Variants in KIRREL3 observed in about 807,000 individuals in gnomAD.
The protein encoded by KIRREL3 is kin of IRRE-like protein 3.
In KIRREL3, 36 loss-of-function variants were observed where a neutral mutation model predicts 89.7. The ratio of observed to expected loss-of-function variants is 0.40; its 90% confidence interval spans 0.31 to 0.53. The LOEUF is 0.53. Among genes scored for constraint, KIRREL3 ranks in the 20% least tolerant of loss-of-function variants. The probability of loss-of-function intolerance (pLI) is 0.49; values close to 1 mark genes in which losing one functional copy is unlikely to be tolerated. For synonymous variants in KIRREL3, 445 were observed against 441.4 expected (o/e 1.01, Z -0.10); for missense variants, 864 against 1,056.6 (o/e 0.82, Z 2.53).
chr11:127,001,638 T>C (rs1950316964), upstream of KIRREL3, among the ~76,000 whole-genome samples: 1 of 152,108 alleles, frequency 6.6e-6, no homozygotes, highest in Admixed American at 6.6e-5. Context: ...TTACCTGTCA[T>C]GAAATTCACA....
chr11:126,507,178 G>A (rs1233699421), intron 4 of KIRREL3, among the ~76,000 whole-genome samples: 3 of 152,154 alleles, frequency 2.0e-5, no homozygotes, highest in Non-Finnish European at 4.4e-5. Flanking sequence ...AATCCAAGAA[G>A]CACTGCATTG....
chr11:126,937,188 C>T (rs1467319960), intron 1 of KIRREL3: 2 of 152,174 alleles, frequency 1.3e-5, no homozygotes, highest in Non-Finnish European at 2.9e-5. Context: ...CCAGCTTAGC[C>T]AGAAAGAGGA....
At chr11:126,693,428 A>G (rs749804375) in intron 1 of KIRREL3, among the ~76,000 whole-genome samples, 1 of 152,088 alleles carries the variant, frequency 6.6e-6, no homozygotes, top group Non-Finnish European at 1.5e-5. Flanking sequence ...CTCAAACACA[A>G]ACAAACAAAC....
intron 1 of KIRREL3, among the ~76,000 whole-genome samples, chr11:126,916,793 T>C (rs565390280): frequency 7.9e-5 from 12 of 152,290 alleles, no homozygotes; most frequent in African/African-American, 2.9e-4. Flanking sequence ...AGTTACATGG[T>C]CCAAACTTCT....
chr11:126,810,208 G>T (rs1271962177), intron 1 of KIRREL3, among the ~76,000 whole-genome samples: 5 of 152,156 alleles, frequency 3.3e-5, no homozygotes, highest in Non-Finnish European at 7.4e-5. Context: ...TCATTTGAAA[G>T]TTGTTGCTCT....
chr11:126,684,024 T>C lies in KIRREL3; in HGVS notation c.56-121112A>G, dbSNP rs1324144652. The stretch of plus-strand genomic sequence containing the variant: ...GGGTTTTTGGGCAGCTCCGCCTTCA[T>C]ACCGAAGGCAGCTTAGCATGGCACT... On this transcript the variant is annotated intron_variant, in intron 1 of 16. Coordinates refer to ENST00000525144, the MANE Select transcript of KIRREL3 (RefSeq NM_032531.4). This position sits in a 1 kb window ranked among gnomAD's most constrained non-coding sequence, Gnocchi z 4.2. Among the ~76,000 whole-genome samples the C allele has an allele frequency of 3.3e-5, 5 of 152,200 alleles. No homozygotes were observed. The highest frequency in any genetic ancestry group is 5.9e-5 in the Non-Finnish European group (4 of 68,040).
intron 1 of KIRREL3, among the ~76,000 whole-genome samples, chr11:126,950,394 C>CAAAA (rs1433987121): frequency 1.3e-5 from 2 of 151,394 alleles, no homozygotes; most frequent in Non-Finnish European, 2.9e-5. Context: ...AACAAACAAA[C>CAAAA]AAACAAAACC....
At chr11:126,863,421 G>A (rs1318823955) in intron 1 of KIRREL3, among the ~76,000 whole-genome samples, 1 of 21,410 alleles carries the variant, frequency 4.7e-5, no homozygotes, top group African/African-American at 1.7e-4. Flanking sequence ...GTGTGTGAGC[G>A]CATGTGTGTG....
At chr11:126,958,376 C>T (rs925700691) in intron 1 of KIRREL3, among the ~76,000 whole-genome samples, 1 of 152,208 alleles carries the variant, frequency 6.6e-6, no homozygotes, top group Non-Finnish European at 1.5e-5. Flanking sequence ...CCATTTGAGC[C>T]CAACTCCCAT....
At position 126,553,003 on chromosome 11, in the gene KIRREL3, A is replaced by C. The variant is rs2134544076; in HGVS notation, c.133+9832T>G. Among the ~76,000 whole-genome samples, 1 of 152,340 alleles carries C rather than the reference A, an allele frequency of 6.6e-6. No individual in the cohort carries two copies. Among genetic ancestry groups the C allele is most frequent in the Middle Eastern group, 3.4e-3 (1 of 294 alleles). Reference sequence around the variant, plus strand: ...TCTTCCCCAGATCAGCCAGAAAAACAGAGGAAAAAGTCTAGTGGGGACACT... The same window carrying C: ...TCTTCCCCAGATCAGCCAGAAAAACCGAGGAAAAAGTCTAGTGGGGACACT... On this transcript the variant is annotated intron_variant, in intron 2 of 16. Transcript: ENST00000525144. This position sits in a 1 kb window ranked among gnomAD's most constrained non-coding sequence, Gnocchi z 4.7.
intron 1 of KIRREL3, among the ~76,000 whole-genome samples, chr11:126,928,619 T>C (rs1947815774): frequency 6.6e-6 from 1 of 152,208 alleles, no homozygotes; most frequent in South Asian, 2.1e-4. Context: ...TCAGAAGTGT[T>C]AGCCATGCTT....
rs2135127297 is a variant in KIRREL3 at position 126,689,464 on chromosome 11, C to T, written c.56-126552G>A. Among the ~76,000 whole-genome samples, 2 of 152,322 alleles carry T rather than the reference C, an allele frequency of 1.3e-5. No homozygotes were observed. Among genetic ancestry groups the T allele is most frequent in the East Asian group, 3.9e-4 (2 of 5,184 alleles). On this transcript the variant is annotated intron_variant, in intron 1 of 16. Coordinates refer to ENST00000525144, the MANE Select transcript of KIRREL3 (RefSeq NM_032531.4). This position sits in a 1 kb window ranked among gnomAD's most constrained non-coding sequence, Gnocchi z 5.2. ...ATCACAGGGCTAGGCCACTTCTGCT[C>T]CTTGCAAGCTCCAAAGAGGAGGTCT...
chr11:126,527,860 G>A lies in KIRREL3; in HGVS notation c.134-1173C>T, dbSNP rs1380338674. On this transcript the variant is annotated intron_variant, in intron 2 of 16. Transcript: ENST00000525144. The surrounding 1 kb of genome is among the most constrained non-coding windows in gnomAD (Gnocchi z 4.2). Reference sequence around the variant, plus strand: ...ATCCCCAAGCCTGGCCTTGGAGGGAGTTGCTGATGAAGAGGTGTGATGTGA... The same window carrying A: ...ATCCCCAAGCCTGGCCTTGGAGGGAATTGCTGATGAAGAGGTGTGATGTGA... 6.6e-6 allele frequency among the ~76,000 whole-genome samples: 1 copy of A among 152,178 alleles called. No homozygotes were observed. Among genetic ancestry groups the A allele is most frequent in the African/African-American group, 2.4e-5 (1 of 41,432 alleles).
chr11:126,902,958 A>G (rs972646950), intron 1 of KIRREL3, among the ~76,000 whole-genome samples: 2 of 152,142 alleles, frequency 1.3e-5, no homozygotes, highest in Non-Finnish European at 2.9e-5. Context: ...GCCTATATTT[A>G]TTTCATTACT....
chr11:126,869,254 G>T (rs1945025658), intron 1 of KIRREL3, among the ~76,000 whole-genome samples: 1 of 151,410 alleles, frequency 6.6e-6, no homozygotes, highest in South Asian at 2.1e-4. Flanking sequence ...GGAGGTGGGG[G>T]AATGAACACC....
intron 1 of KIRREL3, among the ~76,000 whole-genome samples, chr11:126,852,049 C>CTTTTT (rs10579989): frequency 1.9e-5 from 2 of 103,624 alleles, no homozygotes; most frequent in Admixed American, 1.0e-4. Context: ...GGGCTATAAC[C>CTTTTT]TTTTTTTTTT....
chr11:126,605,685 T>C lies in KIRREL3; in HGVS notation c.56-42773A>G, dbSNP rs752552153. Among the ~76,000 whole-genome samples, 185 of 152,310 alleles carry C rather than the reference T, an allele frequency of 1.2e-3. 1 individual carries two copies. Among genetic ancestry groups the C allele is most frequent in the Non-Finnish European group, 6.8e-4 (46 of 68,030 alleles). ...ATACATTGCCATTCTTGGCCACACATATCCGTCATGCTGGGCCTGGAGCTG... is the reference window on the plus strand; with the variant it reads ...ATACATTGCCATTCTTGGCCACACACATCCGTCATGCTGGGCCTGGAGCTG... On this transcript the variant is annotated intron_variant, in intron 1 of 16. Transcript: ENST00000525144. The surrounding 1 kb of genome is among the most constrained non-coding windows in gnomAD (Gnocchi z 5.7).
At position 126,844,957 on chromosome 11, in the gene KIRREL3, T is replaced by C. The variant is rs1266305664; in HGVS notation, c.55+155498A>G. Among the ~76,000 whole-genome samples, 2 of 152,168 alleles carry C rather than the reference T, an allele frequency of 1.3e-5. No homozygotes were observed. Among genetic ancestry groups the C allele is most frequent in the Non-Finnish European group, 2.9e-5 (2 of 68,032 alleles). ...CTCTGGCCTCTCTGAGCTCTCTGCC[T>C]TCCCCACCCTGCTGTGCACAATGCT... On this transcript the variant is annotated intron_variant, in intron 1 of 16. Coordinates refer to ENST00000525144, the MANE Select transcript of KIRREL3 (RefSeq NM_032531.4). This position sits in a 1 kb window ranked among gnomAD's most constrained non-coding sequence, Gnocchi z 4.8.
rs1364819060 is a variant in KIRREL3, at chr11:126,515,054, C to T, written c.433+6261G>A. On this transcript the variant is annotated intron_variant, in intron 4 of 16. Transcript: ENST00000525144. The surrounding 1 kb of genome is among the most constrained non-coding windows in gnomAD (Gnocchi z 4.2). ...CTAGGCATGAAGGATGAAAGATGCT[C>T]CCAGGAGACCCGGTGGGGGAAACAG... Among the ~76,000 whole-genome samples, 1 of 152,174 alleles carries T rather than the reference C, an allele frequency of 6.6e-6. No homozygotes were observed. The highest frequency in any genetic ancestry group is 6.5e-5 in the Admixed American group (1 of 15,286).
Sources: allele counts gnomAD v4.1 joint callset (sites outside exome capture counted in the v4.1 genomes callset), GRCh38; gene constraint gnomAD v4.1.1; non-coding constraint Gnocchi (gnomAD v3.1); transcripts MANE v1.5; gene names NCBI Gene and HGNC (gene_info 2026-07-23, HGNC 2026-07-21).